OR6C2: variants seen among roughly 807,000 people sequenced by gnomAD.
OR6C2 encodes olfactory receptor 6C2.
For synonymous variants in OR6C2, 146 were observed against 134.2 expected, an observed-to-expected ratio of 1.09 and a Z score of -0.61; for missense variants, 435 against 365.8, an observed-to-expected ratio of 1.19 and a Z score of -1.54.
intron 1 of OR6C2, among the ~76,000 whole-genome samples, chr12:55,448,674 GAAAAA>G (rs1398283970): frequency 1.3e-5 from 1 of 74,908 alleles, no homozygotes; most frequent in African/African-American, 5.0e-5. Flanking sequence ...GAAAAGAAAA[GAAAAA>G]AGAAATATAC....
At chr12:55,447,185 G>T (rs1592296978) in intron 1 of OR6C2, among the ~76,000 whole-genome samples, 1 of 152,098 alleles carries the variant, frequency 6.6e-6, no homozygotes, top group Admixed American at 6.5e-5. Flanking sequence ...TTTTATTGAG[G>T]TATAATCTAT....
At chr12:55,447,211 T>G (rs937750145) in intron 1 of OR6C2, among the ~76,000 whole-genome samples, 3 of 152,172 alleles carry the variant, frequency 2.0e-5, no homozygotes, top group Non-Finnish European at 4.4e-5. Context: ...AAACTGCACT[T>G]GCACACAACC....
intron 1 of OR6C2, among the ~76,000 whole-genome samples, chr12:55,447,843 A>G (rs1043437927): frequency 3.9e-5 from 6 of 152,088 alleles, no homozygotes; most frequent in Admixed American, 2.0e-4. Context: ...ATAATTTTGC[A>G]TATATACCAA....
In OR6C2 at chr12:55,452,132, C is replaced by T. The variant is rs1871485480; in HGVS notation, c.-82C>T. 6 of 856,732 alleles carry T rather than the reference C, an allele frequency of 7.0e-6. No individual in the cohort carries two copies. The Admixed American group carries it at 1.3e-4, about 18-fold the overall frequency. 53.1% of individuals were successfully genotyped at this position (856,732 alleles called of 1,614,324 possible). A position where few individuals can be genotyped will look rare whatever the true frequency, so the allele number is the denominator to read the frequency against. Reference sequence around the variant, plus strand: ...TCAGCTTGGCTTCTAGATGCATATCCTTTTGCTATAGAATTCAAATATCTA... The same window carrying T: ...TCAGCTTGGCTTCTAGATGCATATCTTTTTGCTATAGAATTCAAATATCTA... On this transcript the variant is annotated 5_prime_UTR_variant, in exon 2 of 2. Coordinates refer to ENST00000641202, the MANE Select transcript of OR6C2 (RefSeq NM_054105.2).
chr12:55,453,065 C>A lies in OR6C2; in HGVS notation c.852C>A (p.Asn284Lys). ...VLTTSVAPLL[N>K]PFIYTLRNKQ... ...CTACTTCTGTCGCACCCTTGTTGAA[C>A]CCCTTCATTTACACCTTGAGGAACA... The change falls in exon 2 of 2, where the codon AAC becomes AAA. Residue 284 changes from asparagine to lysine, a missense_variant. Coordinates refer to ENST00000641202, the MANE Select transcript of OR6C2 (RefSeq NM_054105.2). 6.2e-7 allele frequency: 1 copy of A among 1,613,402 alleles called. No individual in the cohort carries two copies. Among genetic ancestry groups the A allele is most frequent in the Non-Finnish European group, 8.5e-7 (1 of 1,179,610 alleles).
rs776580405 is a variant in OR6C2 at position 55,453,078 on chromosome 12, A to G, written c.865A>G (p.Thr289Ala). ...ACCCTTGTTGAACCCCTTCATTTACACCTTGAGGAACAAGCAAGTGAAACA... is the reference window on the plus strand; with the variant it reads ...ACCCTTGTTGAACCCCTTCATTTACGCCTTGAGGAACAAGCAAGTGAAACA... ...VAPLLNPFIYTLRNKQVKQAF... is the reference protein window; with the variant it reads ...VAPLLNPFIYALRNKQVKQAF... Residue 289 changes from threonine to alanine, a missense_variant, in exon 2 of 2, where the codon ACC (threonine) becomes GCC (alanine). Thr to Ala is a moderately conservative substitution (Grantham distance 58, BLOSUM62 0). Transcript: ENST00000641202. 6.2e-7 allele frequency: 1 copy of G among 1,613,390 alleles called. No individual in the cohort carries two copies. Among genetic ancestry groups the G allele is most frequent in the Admixed American group, 1.7e-5 (1 of 59,868 alleles).
At chr12:55,450,047 G>A (rs1194650171) in intron 1 of OR6C2, among the ~76,000 whole-genome samples, 1 of 151,982 alleles carries the variant, frequency 6.6e-6, no homozygotes, top group Non-Finnish European at 1.5e-5. Context: ...AGACAAATCT[G>A]TTTTATTTCT....
intron 1 of OR6C2, among the ~76,000 whole-genome samples, chr12:55,446,460 T>A (rs1592296756): frequency 6.6e-6 from 1 of 152,150 alleles, no homozygotes; most frequent in Admixed American, 6.5e-5. Flanking sequence ...TTAAATGAGT[T>A]TCAAAATACA....
chr12:55,446,768 T>G (rs1240606521), intron 1 of OR6C2, among the ~76,000 whole-genome samples: 1 of 152,006 alleles, frequency 6.6e-6, no homozygotes, highest in Non-Finnish European at 1.5e-5. Flanking sequence ...GGAAGATATA[T>G]TCACTCTTAG....
At position 55,452,532 on chromosome 12, in the gene OR6C2, G is replaced by T; in HGVS notation, c.319G>T (p.Ala107Ser). 1 of 1,613,822 alleles carries T rather than the reference G, an allele frequency of 6.2e-7. No individual in the cohort carries two copies. Among genetic ancestry groups the T allele is most frequent in the South Asian group, 1.1e-5 (1 of 91,086 alleles). ...AATATTCTTTGTTATTCTCTTTGGA[G>T]CAACAGAATTTTTTCTCTTGGCAGC... ...SQIFFVILFG[A>S]TEFFLLAAMS... is the part of the protein sequence containing the mutation. The change falls in exon 2 of 2, where the codon GCA becomes TCA. Residue 107 changes from alanine to serine, a missense_variant. Transcript: ENST00000641202.
chr12:55,448,150 G>A (rs1391678894), intron 1 of OR6C2, among the ~76,000 whole-genome samples: 1 of 151,800 alleles, frequency 6.6e-6, no homozygotes, highest in Non-Finnish European at 1.5e-5. Flanking sequence ...CTTCTTTGGA[G>A]AAATTTCTAT....
At chr12:55,445,889 A>G (rs928224586) in intron 1 of OR6C2, among the ~76,000 whole-genome samples, 1 of 152,210 alleles carries the variant, frequency 6.6e-6, no homozygotes, top group Non-Finnish European at 1.5e-5. Context: ...TGGTAATTAT[A>G]CCACAGCTAT....
In OR6C2 at chr12:55,451,979, T is replaced by G; in HGVS notation, c.-235T>G. The G allele has an allele frequency of 2.6e-6, 1 of 387,574 alleles. No homozygotes were observed. The allele number at this position is 387,574 out of a possible 1,614,324, so 24.0% of individuals were successfully genotyped here. On this transcript the variant is annotated 5_prime_UTR_variant, in exon 2 of 2. Coordinates refer to ENST00000641202, the MANE Select transcript of OR6C2 (RefSeq NM_054105.2). ...GATAAGGAATGATCAAAGAAAAAGT[T>G]GGATTGTTTTACAAAACTTGATTTC... is the stretch of plus-strand genomic sequence containing the variant.
intron 1 of OR6C2, among the ~76,000 whole-genome samples, chr12:55,445,327 A>G (rs1225986266): frequency 6.6e-6 from 1 of 152,194 alleles, no homozygotes; most frequent in Non-Finnish European, 1.5e-5. Flanking sequence ...TATGTATCAC[A>G]TGGGATTTTA....
In OR6C2 at chr12:55,452,813, G is replaced by A. The variant is rs751549136; in HGVS notation, c.600G>A (p.Met200Ile). Residue 200 changes from methionine to isoleucine, a missense_variant, in exon 2 of 2, where the codon ATG (methionine) becomes ATA (isoleucine). Transcript: ENST00000641202. ...TWVIEQMVIL[M>I]AVFALIITLV... ...TAATAGAACAGATGGTTATACTTAT[G>A]GCTGTATTTGCACTCATTATCACCC... The A allele has an allele frequency of 6.2e-5, 100 of 1,613,586 alleles. No individual in the cohort carries two copies. Among genetic ancestry groups the A allele is most frequent in the Non-Finnish European group, 8.0e-5 (94 of 1,179,808 alleles).
rs1180208892 is a variant in OR6C2, at chr12:55,452,188, G to A, written c.-26G>A. On this transcript the variant is annotated 5_prime_UTR_variant, in exon 2 of 2. Transcript: ENST00000641202. The stretch of plus-strand genomic sequence containing the variant: ...TCATAAACCGTGATTTTTAAAGGAG[G>A]ATTGGGTAGATATCAAAGAACAGTG... 7.0e-7 allele frequency: 1 copy of A among 1,430,162 alleles called. No individual in the cohort carries two copies. The highest frequency in any genetic ancestry group is 1.4e-5 in the African/African-American group (1 of 70,120). 88.6% of individuals were successfully genotyped at this position (1,430,162 alleles called of 1,614,324 possible). A position where few individuals can be genotyped will look rare whatever the true frequency, so the allele number is the denominator to read the frequency against.
intron 1 of OR6C2, among the ~76,000 whole-genome samples, chr12:55,444,605 C>T (rs912579967): frequency 3.9e-5 from 6 of 151,980 alleles, no homozygotes; most frequent in Non-Finnish European, 8.8e-5. Context: ...ACACTAAGAC[C>T]GAGAGACCTT....
chr12:55,445,418 G>A (rs1005515891), intron 1 of OR6C2, among the ~76,000 whole-genome samples: 9 of 152,228 alleles, frequency 5.9e-5, no homozygotes, highest in Admixed American at 3.9e-4. Flanking sequence ...TTTTTTATAC[G>A]CAAAGCAGGT....
intron 1 of OR6C2, among the ~76,000 whole-genome samples, chr12:55,450,686 G>C (rs1871451197): frequency 6.6e-6 from 1 of 151,968 alleles, no homozygotes; most frequent in Non-Finnish European, 1.5e-5. Flanking sequence ...GGTAAGAAGA[G>C]TAACAAACAG....
Sources: allele counts gnomAD v4.1 joint callset (sites outside exome capture counted in the v4.1 genomes callset), GRCh38; gene constraint gnomAD v4.1.1; transcripts MANE v1.5; gene names NCBI Gene and HGNC (gene_info 2026-07-23, HGNC 2026-07-21).